Variants in PGS1 observed in about 807,000 individuals in gnomAD.
The protein encoded by PGS1 is phosphatidylglycerophosphate synthase 1.
In PGS1, 44 loss-of-function variants were observed where a neutral mutation model predicts 58.3. The ratio of observed to expected loss-of-function variants is 0.75; its 90% confidence interval spans 0.59 to 0.97. PGS1 has a LOEUF of 0.97. PGS1 is among the 50% of genes least tolerant of loss of function. PGS1 has a pLI of 0.00. For synonymous variants in PGS1, 330 were observed against 311.0 expected (o/e 1.06, Z -0.64); for missense variants, 684 against 731.1 (o/e 0.94, Z 0.74).
At chr17:78,420,178 G>A (rs2085581492) in intron 9 of PGS1, 1 of 999,368 alleles carries the variant, frequency 1.0e-6, no homozygotes, top group Non-Finnish European at 1.2e-6. Flanking sequence ...GCTGCTGCCT[G>A]GACGCCTCGC....
chr17:78,423,885 G>A (rs1462535819), intron 9 of PGS1, 176 bp from the exon 10 acceptor site: 1 of 1,613,136 alleles, frequency 6.2e-7, no homozygotes, highest in Non-Finnish European at 8.5e-7. Flanking sequence ...CAGGGAGTGT[G>A]GGCTGTGAGG....
intron 6 of PGS1, among the ~76,000 whole-genome samples, chr17:78,402,049 G>A (rs55633207): frequency 5.3e-5 from 8 of 151,696 alleles, no homozygotes; most frequent in Non-Finnish European, 1.2e-4. Context: ...CAGGGTGTGC[G>A]CAGGGCCCCC....
At chr17:78,384,528 C>CT (rs941476667) in intron 1 of PGS1, among the ~76,000 whole-genome samples, 2 of 152,126 alleles carry the variant, frequency 1.3e-5, no homozygotes, top group Non-Finnish European at 2.9e-5. Context: ...TTAAAAACTT[C>CT]TTTTTTCATG....
At chr17:78,420,971 A>G (rs966753232) in intron 9 of PGS1, 1 of 152,212 alleles carries the variant, frequency 6.6e-6, no homozygotes, top group South Asian at 2.1e-4. Context: ...AAATACCTAA[A>G]TGGTGTTCAC....
intron 7 of PGS1, among the ~76,000 whole-genome samples, chr17:78,413,960 T>A (rs2084951015): frequency 6.6e-6 from 1 of 152,250 alleles, no homozygotes; most frequent in South Asian, 2.1e-4. Context: ...TCTCCAACTG[T>A]GATACTGACT....
intron 1 of PGS1, among the ~76,000 whole-genome samples, chr17:78,381,611 T>C (rs1057120252): frequency 2.6e-5 from 4 of 152,226 alleles, no homozygotes; most frequent in African/African-American, 9.6e-5. Context: ...TGGTTTCTTG[T>C]AACTCGCTGA....
At chr17:78,379,919 T>C (rs1344862927) in intron 1 of PGS1, among the ~76,000 whole-genome samples, 1 of 151,162 alleles carries the variant, frequency 6.6e-6, no homozygotes, top group African/African-American at 2.4e-5. Context: ...CAGACTGGAG[T>C]GCAATGGCGC....
chr17:78,394,030 G>A (rs1017676482), intron 2 of PGS1, among the ~76,000 whole-genome samples: 1 of 151,746 alleles, frequency 6.6e-6, no homozygotes, highest in Non-Finnish European at 1.5e-5. Context: ...CCAAAAATAC[G>A]GAAGGGTGGC....
chr17:78,396,338 G>T lies in PGS1; in HGVS notation c.364G>T (p.Val122Leu). The T allele has an allele frequency of 6.2e-7, 1 of 1,613,816 alleles. No homozygotes were observed. Among genetic ancestry groups the T allele is most frequent in the Non-Finnish European group, 8.5e-7 (1 of 1,179,762 alleles). ...GQIRVAKRRVVMASLYLGTGP... is the reference protein window; with the variant it reads ...GQIRVAKRRVLMASLYLGTGP... ...GATAAGAGTAGCCAAGAGGCGGGTCGTGATGGCATCCCTCTACCTGGGGAC... is the reference window on the plus strand; with the variant it reads ...GATAAGAGTAGCCAAGAGGCGGGTCTTGATGGCATCCCTCTACCTGGGGAC... The change falls in exon 3 of 10, where the codon GTG becomes TTG. Residue 122 changes from valine to leucine, a missense_variant. Coordinates refer to ENST00000262764, the MANE Select transcript of PGS1 (RefSeq NM_024419.5).
chr17:78,394,022 A>G (rs1377634874), intron 2 of PGS1, among the ~76,000 whole-genome samples: 2 of 151,904 alleles, frequency 1.3e-5, no homozygotes, highest in African/African-American at 4.8e-5. Flanking sequence ...TGTCTCTACC[A>G]AAAATACGGA....
intron 7 of PGS1, among the ~76,000 whole-genome samples, chr17:78,405,872 G>C (rs903894932): frequency 6.6e-6 from 1 of 152,212 alleles, no homozygotes; most frequent in Non-Finnish European, 1.5e-5. Context: ...TGAGTGGGGG[G>C]CCTCCATGGA....
At chr17:78,387,944 A>G (rs2082531757) in intron 1 of PGS1, among the ~76,000 whole-genome samples, 1 of 152,070 alleles carries the variant, frequency 6.6e-6, no homozygotes, top group Admixed American at 6.5e-5. Flanking sequence ...TCTCCTTGGC[A>G]TATGTTGTCA....
At chr17:78,381,887 G>A (rs1466172007) in intron 1 of PGS1, among the ~76,000 whole-genome samples, 2 of 152,194 alleles carry the variant, frequency 1.3e-5, no homozygotes, top group Non-Finnish European at 1.5e-5. Flanking sequence ...TGCTGGATCC[G>A]TTAATTTATT....
Position 78,400,382 on chromosome 17 carries a change from CAAA to C in PGS1, c.702-284_702-282del, listed in dbSNP as rs35635587. On this transcript the variant is annotated intron_variant, in intron 5 of 9. Transcript: ENST00000262764. The surrounding 1 kb of genome is among the most constrained non-coding windows in gnomAD (Gnocchi z 4.4). ...CCTGGGCGACAGAATGAGATTGTCT[CAAA>C]AAAAAAAAAAGCCCTGTGTGGTTAG... 7.4e-6 allele frequency among the ~76,000 whole-genome samples: 1 copy of C among 134,562 alleles called. No individual in the cohort carries two copies. The highest frequency in any genetic ancestry group is 2.8e-5 in the African/African-American group (1 of 36,010). The allele number at this position is 134,562 out of a possible 152,430, so 88.3% of individuals were successfully genotyped here.
chr17:78,415,422 G>C (rs1296955369), intron 8 of PGS1, among the ~76,000 whole-genome samples: 2 of 152,186 alleles, frequency 1.3e-5, no homozygotes, highest in Non-Finnish European at 2.9e-5. Context: ...CCTGAGGTCA[G>C]GAGTTCAAGA....
intron 1 of PGS1, among the ~76,000 whole-genome samples, chr17:78,391,026 C>T (rs2082785794): frequency 1.3e-5 from 2 of 152,118 alleles, no homozygotes; most frequent in African/African-American, 4.8e-5. Flanking sequence ...CTGCAATCTC[C>T]GCCTCCCAGG....
chr17:78,417,395 C>T (rs72921252), intron 8 of PGS1, among the ~76,000 whole-genome samples: 18,751 of 152,176 alleles, frequency 0.12, 1,391 homozygotes, highest in Middle Eastern at 0.17. Flanking sequence ...GTCTGTGACA[C>T]GCGGGGCTGC....
In PGS1 at chr17:78,390,516, C is replaced by G. The variant is rs138529392; in HGVS notation, c.144-1960C>G. On this transcript the variant is annotated intron_variant, in intron 1 of 9. Transcript: ENST00000262764. ...TCTGTTGTCTGTGCAGGGACATTTA[C>G]GAAGCCTGGGAAGATTGAGGGCTTT... Among the ~76,000 whole-genome samples, 1,184 of 152,272 alleles carry G rather than the reference C, an allele frequency of 7.8e-3. 15 individuals carry two copies. Among genetic ancestry groups the G allele is most frequent in the African/African-American group, 0.027 (1,116 of 41,536 alleles).
chr17:78,418,530 AGTT>A (rs1289095253), intron 8 of PGS1, among the ~76,000 whole-genome samples: 4 of 152,048 alleles, frequency 2.6e-5, no homozygotes, highest in African/African-American at 9.7e-5. Flanking sequence ...TTGTCATATG[AGTT>A]GTTAATAAGT....
Sources: allele counts gnomAD v4.1 joint callset (sites outside exome capture counted in the v4.1 genomes callset), GRCh38; gene constraint gnomAD v4.1.1; non-coding constraint Gnocchi (gnomAD v3.1); transcripts MANE v1.5; gene names NCBI Gene and HGNC (gene_info 2026-07-23, HGNC 2026-07-21).